OR2L13: variants seen among roughly 807,000 people sequenced by gnomAD.
The protein encoded by OR2L13 is olfactory receptor family 2 subfamily L member 13.
A neutral mutation model predicts 15.3 loss-of-function variants in OR2L13; 14 were observed. The ratio of observed to expected loss-of-function variants is 0.91; its 90% CI spans 0.60 to 1.43. The LOEUF is 1.43. Among genes scored for constraint, OR2L13 ranks in the 40% most tolerant of loss-of-function variants. OR2L13 has a pLI of 0.00. For missense variants in OR2L13, 367 were observed against 387.9 expected, an observed-to-expected ratio of 0.95 and a Z score of 0.45; for synonymous variants, 152 against 142.9, an observed-to-expected ratio of 1.06 and a Z score of -0.45.
the OR2L13 span, chr1:247,949,615 C>T: frequency 6.2e-7 from 1 of 1,613,968 alleles, no homozygotes. Flanking sequence ...TACTATGCAC[C>T]TTTTGTCTAC....
At chr1:248,089,350 TGGGTTTTATGGTGGCTTCATTATATA>T in the OR2L13 span, among the ~76,000 whole-genome samples, 1 of 152,036 alleles carries the variant, frequency 6.6e-6, no homozygotes, top group African/African-American at 2.4e-5. Flanking sequence ...CCTGTCATTA[TGGGTTTTATGGTGGCTTCATTATATA>T]GGCATTAATG....
upstream of OR2L13, among the ~76,000 whole-genome samples, chr1:248,090,486 G>A (rs1413285798): frequency 6.6e-6 from 1 of 152,038 alleles, no homozygotes; most frequent in Non-Finnish European, 1.5e-5. Context: ...TCCTGTCTGT[G>A]TGTCCATGTG....
the OR2L13 span, among the ~76,000 whole-genome samples, chr1:248,016,674 A>C: frequency 1.3e-5 from 2 of 152,068 alleles, no homozygotes; most frequent in Non-Finnish European, 2.9e-5. Context: ...ATATTTGGAT[A>C]AACTAGACCA....
At chr1:247,956,735 G>A in the OR2L13 span, among the ~76,000 whole-genome samples, 2 of 151,654 alleles carry the variant, frequency 1.3e-5, no homozygotes, top group Non-Finnish European at 2.9e-5. Context: ...TCATGATTTG[G>A]CTCTCTGTTT....
the OR2L13 span, chr1:247,949,313 G>C: frequency 6.2e-7 from 1 of 1,614,152 alleles, no homozygotes; most frequent in Non-Finnish European, 8.5e-7. Context: ...TCATAGGCTC[G>C]ATCAATGCTT....
chr1:247,946,802 C>T, the OR2L13 span, among the ~76,000 whole-genome samples: 1 of 152,148 alleles, frequency 6.6e-6, no homozygotes, highest in African/African-American at 2.4e-5. Flanking sequence ...CACTTTATGT[C>T]TGCAATGAGG....
At chr1:248,078,341 C>T in the OR2L13 span, among the ~76,000 whole-genome samples, 2 of 151,926 alleles carry the variant, frequency 1.3e-5, no homozygotes, top group Non-Finnish European at 2.9e-5. Flanking sequence ...ATTAGCTGGG[C>T]GTGGTGACGT....
chr1:248,083,792 G>C, the OR2L13 span: 1 of 1,613,620 alleles, frequency 6.2e-7, no homozygotes, highest in Non-Finnish European at 8.5e-7. Context: ...CAACCTTGTC[G>C]TGGTTAGTGG....
chr1:248,003,904 T>A, the OR2L13 span: 1 of 1,612,904 alleles, frequency 6.2e-7, no homozygotes, highest in Non-Finnish European at 8.5e-7. Flanking sequence ...TCTACACCTA[T>A]CTACGTCCAA....
chr1:248,046,779 A>T, the OR2L13 span: 6 of 152,276 alleles, frequency 3.9e-5, no homozygotes, highest in East Asian at 1.2e-3. Context: ...AAACCAATAT[A>T]CACATTTCTT....
upstream of OR2L13, among the ~76,000 whole-genome samples, chr1:248,094,740 A>G (rs1293124947): frequency 6.6e-6 from 1 of 152,190 alleles, no homozygotes; most frequent in Non-Finnish European, 1.5e-5. Context: ...TAATTTAGTC[A>G]CAATCATCAA....
chr1:247,995,988 T>A, the OR2L13 span, among the ~76,000 whole-genome samples: 1 of 152,164 alleles, frequency 6.6e-6, no homozygotes, highest in African/African-American at 2.4e-5. Context: ...ACCACTCGCT[T>A]CTCCACCAAT....
chr1:248,000,453 A>G, the OR2L13 span, among the ~76,000 whole-genome samples: 1 of 152,164 alleles, frequency 6.6e-6, no homozygotes, highest in Non-Finnish European at 1.5e-5. Flanking sequence ...TGAATCACTA[A>G]ATTAGAGTAC....
the OR2L13 span, among the ~76,000 whole-genome samples, chr1:248,073,870 T>C: frequency 4.6e-5 from 7 of 151,880 alleles, no homozygotes; most frequent in Non-Finnish European, 8.8e-5. Flanking sequence ...ATATAAATAT[T>C]AACTCTATAA....
At chr1:248,008,853 C>A in the OR2L13 span, among the ~76,000 whole-genome samples, 1 of 152,126 alleles carries the variant, frequency 6.6e-6, no homozygotes, top group Non-Finnish European at 1.5e-5. Context: ...GACCACAGTG[C>A]AATCAAATTA....
chr1:247,971,764 C>A, the OR2L13 span, among the ~76,000 whole-genome samples: 62 of 152,200 alleles, frequency 4.1e-4, no homozygotes, highest in East Asian at 0.011. Flanking sequence ...CTGGACCAAG[C>A]GGACCGAATA....
the OR2L13 span, among the ~76,000 whole-genome samples, chr1:248,072,593 A>G: frequency 1.1e-4 from 17 of 152,128 alleles, 1 homozygote; most frequent in Non-Finnish European, 2.4e-4. Context: ...TAAAACACCA[A>G]AAGCAATGGC....
the OR2L13 span, among the ~76,000 whole-genome samples, chr1:247,975,992 C>T: frequency 6.6e-6 from 1 of 151,642 alleles, no homozygotes; most frequent in African/African-American, 2.4e-5. Context: ...ATTATTAAGA[C>T]AAAAATAATA....
At chr1:247,947,568 A>G in the OR2L13 span, among the ~76,000 whole-genome samples, 2 of 152,202 alleles carry the variant, frequency 1.3e-5, no homozygotes, top group African/African-American at 2.4e-5. Context: ...ATGCTCCTCC[A>G]AGTGCATTCT....
Sources: gnomAD v4.1 joint callset for allele counts (sites outside exome capture counted in the v4.1 genomes callset) on GRCh38, gnomAD v4.1.1 for gene constraint, MANE v1.5 for transcripts, NCBI Gene and HGNC (gene_info 2026-07-23, HGNC 2026-07-21) for gene names.